Variants in SGIP1 observed in about 807,000 individuals in gnomAD.
SGIP1 encodes SH3-containing GRB2-like protein 3-interacting protein 1.
A neutral mutation model predicts 107.5 loss-of-function variants in SGIP1; 38 were observed. The ratio of observed to expected loss-of-function variants is 0.35; its 90% confidence interval spans 0.27 to 0.46. The LOEUF (loss-of-function observed/expected upper bound fraction) is 0.46. Among genes scored for constraint, SGIP1 ranks in the 20% least tolerant of loss-of-function variants. The pLI is 1.00. For synonymous variants in SGIP1, 365 were observed against 366.1 expected, an observed-to-expected ratio of 1.00 and a Z score of 0.03; for missense variants, 929 against 1,019.5, an observed-to-expected ratio of 0.91 and a Z score of 1.21.
chr1:66,551,579 C>T (rs1399722084), intron 1 of SGIP1, among the ~76,000 whole-genome samples: 5 of 152,246 alleles, frequency 3.3e-5, no homozygotes, highest in African/African-American at 1.2e-4. Flanking sequence ...AGATGCTCAA[C>T]TCTCAATAAC....
intron 1 of SGIP1, among the ~76,000 whole-genome samples, chr1:66,538,826 T>C (rs761356367): frequency 6.6e-5 from 10 of 152,286 alleles, no homozygotes; most frequent in Non-Finnish European, 1.2e-4. Context: ...TGGCATTAAA[T>C]GTGTTTTTAA....
chr1:66,673,200 AT>A lies in SGIP1; in HGVS notation c.561-80del. 4 of 1,418,350 alleles carry A rather than the reference AT, an allele frequency of 2.8e-6. No individual in the cohort carries two copies. In the South Asian group the frequency reaches 3.5e-5, roughly 12 times the overall value. The allele number at this position is 1,418,350 out of a possible 1,614,324, so 87.9% of individuals were successfully genotyped here. On this transcript the variant is annotated intron_variant, in intron 11 of 24. Coordinates refer to ENST00000371037, the MANE Select transcript of SGIP1 (RefSeq NM_032291.4). Reference sequence around the variant, plus strand: ...ACACACACTTGTTTCACTAAGAAAAATATGTGAAAGCTTGTATATCTTTTTG... The same window carrying A: ...ACACACACTTGTTTCACTAAGAAAAAATGTGAAAGCTTGTATATCTTTTTG...
intron 1 of SGIP1, among the ~76,000 whole-genome samples, chr1:66,565,038 T>C (rs1222577910): frequency 6.6e-6 from 1 of 151,954 alleles, no homozygotes; most frequent in Non-Finnish European, 1.5e-5. Context: ...AGTCATACAA[T>C]CTGGAAGGGG....
intron 1 of SGIP1, among the ~76,000 whole-genome samples, chr1:66,548,136 A>C (rs1244904243): frequency 2.6e-5 from 4 of 151,976 alleles, no homozygotes; most frequent in Non-Finnish European, 4.4e-5. Flanking sequence ...GGTGAAGGAG[A>C]AGGTCATGCT....
intron 9 of SGIP1, among the ~76,000 whole-genome samples, chr1:66,670,728 T>C (rs1448882515): frequency 6.6e-6 from 1 of 152,176 alleles, no homozygotes; most frequent in Non-Finnish European, 1.5e-5. Context: ...TGAATTTAAT[T>C]TACCAAATCT....
intron 1 of SGIP1, among the ~76,000 whole-genome samples, chr1:66,597,802 A>G (rs2065011797): frequency 6.6e-6 from 1 of 152,134 alleles, no homozygotes; most frequent in South Asian, 2.1e-4. Flanking sequence ...TTACGCATTA[A>G]CGTTTTGTTT....
At chr1:66,616,724 G>A (rs2069410836) in intron 1 of SGIP1, among the ~76,000 whole-genome samples, 1 of 152,160 alleles carries the variant, frequency 6.6e-6, no homozygotes, top group Admixed American at 6.5e-5. Flanking sequence ...TATTGGCACA[G>A]CAAACACCAA....
At chr1:66,596,671 A>C (rs140644887) in intron 1 of SGIP1, among the ~76,000 whole-genome samples, 9 of 151,328 alleles carry the variant, frequency 5.9e-5, no homozygotes, top group African/African-American at 2.2e-4. Context: ...CAGCCTAGGC[A>C]TTTGGCTGCC....
chr1:66,546,829 G>C (rs1193341443), intron 1 of SGIP1, among the ~76,000 whole-genome samples: 2 of 152,168 alleles, frequency 1.3e-5, no homozygotes, highest in Non-Finnish European at 2.9e-5. Context: ...TAGTTATGAG[G>C]ATAAGACCAA....
chr1:66,597,980 T>G (rs1373508195), intron 1 of SGIP1, among the ~76,000 whole-genome samples: 1 of 152,082 alleles, frequency 6.6e-6, no homozygotes, highest in Non-Finnish European at 1.5e-5. Context: ...TTTAAAGTCC[T>G]ATATAGTTCA....
intron 1 of SGIP1, among the ~76,000 whole-genome samples, chr1:66,540,596 C>T (rs932457231): frequency 4.6e-5 from 7 of 152,056 alleles, no homozygotes; most frequent in Admixed American, 2.6e-4. Context: ...TGAATGTAAA[C>T]GAGTGTAATG....
chr1:66,570,693 C>A (rs1284786794), intron 1 of SGIP1, among the ~76,000 whole-genome samples: 2 of 152,032 alleles, frequency 1.3e-5, no homozygotes, highest in East Asian at 3.9e-4. Flanking sequence ...TAGTATTGAG[C>A]AAAACATATG....
intron 18 of SGIP1, among the ~76,000 whole-genome samples, chr1:66,697,867 G>A (rs1291603712): frequency 6.6e-6 from 1 of 151,908 alleles, no homozygotes; most frequent in Admixed American, 6.6e-5. Flanking sequence ...TTATTAAATA[G>A]GATTTCTAAC....
chr1:66,750,778 TTG>T lies in SGIP1; in HGVS notation c.*7684_*7685del, dbSNP rs2094612014. ...ACCAACAACGGAAGCGAAGACTTAC[TTG>T]CTCCTTCACAGAATTGCAGCAAAGC... On this transcript the variant is annotated 3_prime_UTR_variant, in exon 25 of 25. Coordinates refer to ENST00000371037, the MANE Select transcript of SGIP1 (RefSeq NM_032291.4). Among the ~76,000 whole-genome samples the T allele has an allele frequency of 2.0e-5, 3 of 152,196 alleles. No homozygotes were observed. The highest frequency in any genetic ancestry group is 7.2e-5 in the African/African-American group (3 of 41,438).
chr1:66,617,451 AAGC>A, intron 1 of SGIP1, among the ~76,000 whole-genome samples: 1 of 152,338 alleles, frequency 6.6e-6, no homozygotes, highest in African/African-American at 2.4e-5. Context: ...CTGATACACA[AAGC>A]ACCTTAATCT....
rs1305871795 is a variant in SGIP1 at position 66,589,652 on chromosome 1, A to AC, written c.11-36190dup. ...ATGCCATATTTGTTTGTATGTAATT[A>AC]CCCCCAGCCCCTGAATTCTCAACAA... On this transcript the variant is annotated intron_variant, in intron 1 of 24. Transcript: ENST00000371037. Among the ~76,000 whole-genome samples, 3 of 152,096 alleles carry AC rather than the reference A, an allele frequency of 2.0e-5. No individual in the cohort carries two copies. The South Asian group carries it at 6.2e-4, about 32-fold the overall frequency.
chr1:66,549,411 A>G (rs542852580), intron 1 of SGIP1, among the ~76,000 whole-genome samples: 15 of 152,282 alleles, frequency 9.9e-5, no homozygotes, highest in Admixed American at 8.5e-4. Flanking sequence ...AGATAACTAA[A>G]TGATTATAAG....
intron 1 of SGIP1, among the ~76,000 whole-genome samples, chr1:66,605,630 C>A (rs1231188041): frequency 6.6e-6 from 1 of 151,390 alleles, no homozygotes; most frequent in African/African-American, 2.4e-5. Context: ...CAAACACAGC[C>A]CAAACAATGA....
At chr1:66,741,503 A>G in intron 24 of SGIP1, 67 bp downstream of exon 24, 1 of 1,415,530 alleles carries the variant, frequency 7.1e-7, no homozygotes, top group Non-Finnish European at 9.3e-7. Flanking sequence ...TAAGAGGAAT[A>G]GGTTGTGATT....
Sources: gnomAD v4.1 joint callset for allele counts (sites outside exome capture counted in the v4.1 genomes callset) on GRCh38, gnomAD v4.1.1 for gene constraint, MANE v1.5 for transcripts, NCBI Gene and HGNC (gene_info 2026-07-23, HGNC 2026-07-21) for gene names.